C8orf34: variants seen among roughly 807,000 people sequenced by gnomAD.
The protein encoded by C8orf34 is uncharacterized protein C8orf34.
C8orf34 carries 65 observed loss-of-function variants against 68.3 expected under a neutral mutation model. The observed-to-expected ratio is 0.95, with a 90% CI of 0.78 to 1.17. C8orf34 has a LOEUF of 1.17. Among genes scored for constraint, C8orf34 ranks in the 50% most tolerant of loss-of-function variants. The pLI, the probability that C8orf34 is intolerant of heterozygous loss-of-function variation, is 0.00. For synonymous variants in C8orf34, 244 were observed against 241.2 expected (o/e 1.01, Z -0.11); for missense variants, 664 against 655.4 (o/e 1.01, Z -0.14).
chr8:68,724,456 G>A (rs890178504), intron 10 of C8orf34, among the ~76,000 whole-genome samples: 2 of 152,148 alleles, frequency 1.3e-5, no homozygotes, highest in Non-Finnish European at 2.9e-5. Context: ...AATAAGTGAG[G>A]AACAGACTCT....
intron 12 of C8orf34, among the ~76,000 whole-genome samples, chr8:68,808,196 A>C (rs773015539): frequency 1.3e-5 from 2 of 152,222 alleles, no homozygotes; most frequent in African/African-American, 2.4e-5. Flanking sequence ...TTTTTAAAAA[A>C]TATTTTATCC....
intron 7 of C8orf34, 121 bp downstream of exon 7, chr8:68,533,270 T>C: frequency 7.1e-7 from 1 of 1,414,822 alleles, no homozygotes; most frequent in Non-Finnish European, 9.2e-7. Flanking sequence ...AACCATTTAG[T>C]ACATATTTTA....
chr8:68,338,404 G>C (rs1805938178), intron 1 of C8orf34, among the ~76,000 whole-genome samples: 1 of 152,094 alleles, frequency 6.6e-6, no homozygotes, highest in African/African-American at 2.4e-5. Flanking sequence ...TGTCTCAGTT[G>C]GAACAGGCTC....
chr8:68,767,481 C>T (rs1823212897), intron 10 of C8orf34, among the ~76,000 whole-genome samples: 1 of 152,178 alleles, frequency 6.6e-6, no homozygotes, highest in African/African-American at 2.4e-5. Flanking sequence ...GAATGCAGGA[C>T]ATTTGACCTG....
chr8:68,332,985 G>T (rs960612425), intron 1 of C8orf34, among the ~76,000 whole-genome samples: 4 of 152,066 alleles, frequency 2.6e-5, no homozygotes, highest in Non-Finnish European at 5.9e-5. Flanking sequence ...TGCATCGAAA[G>T]AATCATAAAA....
intron 8 of C8orf34, among the ~76,000 whole-genome samples, chr8:68,686,189 G>T (rs572206270): frequency 6.6e-6 from 1 of 151,942 alleles, no homozygotes; most frequent in African/African-American, 2.4e-5. Context: ...ATGGATTCAC[G>T]GCTGAATTCT....
chr8:68,726,366 G>A (rs1038830697), intron 10 of C8orf34, among the ~76,000 whole-genome samples: 1 of 152,234 alleles, frequency 6.6e-6, no homozygotes, highest in East Asian at 1.9e-4. Flanking sequence ...CGGAATTGGA[G>A]GACTCTGAGA....
intron 8 of C8orf34, among the ~76,000 whole-genome samples, chr8:68,707,653 G>A (rs752652903): frequency 2.6e-5 from 4 of 152,008 alleles, no homozygotes; most frequent in Non-Finnish European, 4.4e-5. Context: ...ATGGCTCACT[G>A]CAGACTCAAA....
At chr8:68,773,600 A>C (rs1318648260) in intron 10 of C8orf34, among the ~76,000 whole-genome samples, 1 of 151,996 alleles carries the variant, frequency 6.6e-6, no homozygotes, top group Admixed American at 6.6e-5. Context: ...AGGTTTCACC[A>C]TGTTGGCCAG....
chr8:68,703,622 G>T (rs888043671), intron 8 of C8orf34, among the ~76,000 whole-genome samples: 2 of 152,058 alleles, frequency 1.3e-5, no homozygotes, highest in African/African-American at 2.4e-5. Flanking sequence ...GGATTTTAGT[G>T]CCCAAGGCCC....
In C8orf34 at chr8:68,604,113, A is replaced by G. The variant is rs1426882659; in HGVS notation, c.1106-36263A>G. On this transcript the variant is annotated intron_variant, in intron 7 of 13. Transcript: ENST00000518698. ...AAGCACTATTTAGAAGCTTTTCACA[A>G]GATGAAGCGGAAATGAGAAAAGAAC... Among the ~76,000 whole-genome samples, 3 of 152,168 alleles carry G rather than the reference A, an allele frequency of 2.0e-5. No individual in the cohort carries two copies. The East Asian group carries it at 5.8e-4, about 29-fold the overall frequency.
intron 1 of C8orf34, among the ~76,000 whole-genome samples, chr8:68,433,926 G>C (rs1368832319): frequency 3.3e-5 from 5 of 152,064 alleles, no homozygotes; most frequent in South Asian, 2.1e-4. Context: ...TTACTAGTTA[G>C]TATTCATTTT....
chr8:68,766,553 A>C (rs962113163), intron 10 of C8orf34, among the ~76,000 whole-genome samples: 17 of 152,332 alleles, frequency 1.1e-4, no homozygotes, highest in Admixed American at 8.5e-4. Flanking sequence ...TTAAATCAAA[A>C]CAATAAGAAT....
chr8:68,650,998 T>G (rs2130777177), intron 8 of C8orf34, among the ~76,000 whole-genome samples: 1 of 152,326 alleles, frequency 6.6e-6, no homozygotes, highest in South Asian at 2.1e-4. Flanking sequence ...TGCTCTTTGT[T>G]AGAAAAGAAA....
At chr8:68,804,193 A>G (rs1408057040) in intron 12 of C8orf34, among the ~76,000 whole-genome samples, 1 of 152,190 alleles carries the variant, frequency 6.6e-6, no homozygotes, top group Non-Finnish European at 1.5e-5. Flanking sequence ...GAAACTTAAC[A>G]ATTAAGAGCC....
intron 7 of C8orf34, among the ~76,000 whole-genome samples, chr8:68,594,615 G>A (rs982494511): frequency 6.6e-6 from 1 of 151,920 alleles, no homozygotes; most frequent in Admixed American, 6.6e-5. Flanking sequence ...AACTGTTCTA[G>A]AATTCATTGT....
intron 5 of C8orf34, among the ~76,000 whole-genome samples, chr8:68,511,797 T>C (rs974549718): frequency 6.6e-6 from 1 of 152,170 alleles, no homozygotes; most frequent in Non-Finnish European, 1.5e-5. Context: ...ATTTTGTTTG[T>C]AAGAGTATAA....
chr8:68,438,675 G>C (rs965478944), intron 1 of C8orf34: 3 of 152,054 alleles, frequency 2.0e-5, no homozygotes, highest in African/African-American at 7.2e-5. Context: ...CAATTACACA[G>C]CACAAAATGA....
At chr8:68,757,604 G>C (rs1458836158) in intron 10 of C8orf34, among the ~76,000 whole-genome samples, 3 of 152,002 alleles carry the variant, frequency 2.0e-5, no homozygotes, top group East Asian at 3.9e-4. Context: ...CTGGGCAATA[G>C]AGTGAGACTC....
Sources: allele counts gnomAD v4.1 joint callset (sites outside exome capture counted in the v4.1 genomes callset), GRCh38; gene constraint gnomAD v4.1.1; transcripts MANE v1.5; gene names NCBI Gene and HGNC (gene_info 2026-07-23, HGNC 2026-07-21).